Variants in RIMKLA observed in about 807,000 individuals in gnomAD.
RIMKLA encodes ribosomal modification protein rimK like family member A.
A neutral mutation model predicts 32.7 loss-of-function variants in RIMKLA; 14 were observed. The ratio of observed to expected loss-of-function variants is 0.43; its 90% CI spans 0.28 to 0.67. The LOEUF is 0.67. RIMKLA is among the 30% of genes least tolerant of loss of function. The probability of loss-of-function intolerance (pLI) is 0.18; values close to 1 mark genes in which losing one functional copy is unlikely to be tolerated. For synonymous variants in RIMKLA, 176 were observed against 204.1 expected, an observed-to-expected ratio of 0.86 and a Z score of 1.18; for missense variants, 410 against 519.0, an observed-to-expected ratio of 0.79 and a Z score of 2.04.
intron 4 of RIMKLA, among the ~76,000 whole-genome samples, chr1:42,411,213 G>A (rs1329163992): frequency 3.3e-5 from 5 of 151,790 alleles, no homozygotes; most frequent in African/African-American, 9.7e-5. Context: ...CATGCCTGTA[G>A]TCCCAGCTGA....
chr1:42,404,712 G>C, intron 3 of RIMKLA, 115 bp downstream of exon 3: 2 of 660,172 alleles, frequency 3.0e-6, no homozygotes, highest in African/African-American at 1.8e-5. Context: ...CCTTTGAGGA[G>C]CTTGCAGTGT....
At chr1:42,399,738 C>A in intron 2 of RIMKLA, 104 bp downstream of exon 2, 1 of 720,330 alleles carries the variant, frequency 1.4e-6, no homozygotes, top group Non-Finnish European at 2.3e-6. Flanking sequence ...TCTGTTGATT[C>A]AACATCTTGG....
Position 42,408,431 on chromosome 1 carries a change from G to A in RIMKLA, c.482-1553G>A, listed in dbSNP as rs80048784. ...GACTGGTGTATTTGTTTGTTTGTTT[G>A]TTTTTGAGATGACGTTTTGCTCTTG... is the stretch of plus-strand genomic sequence containing the variant. On this transcript the variant is annotated intron_variant, in intron 3 of 4. Transcript: ENST00000431473. 5.3e-5 allele frequency among the ~76,000 whole-genome samples: 8 copies of A among 152,260 alleles called. No individual in the cohort carries two copies. In the East Asian group the frequency reaches 1.5e-3, roughly 29 times the overall value.
rs762981899 is a variant in RIMKLA at position 42,421,670 on chromosome 1, C to T, written c.*6696C>T. On this transcript the variant is annotated 3_prime_UTR_variant, in exon 5 of 5. Coordinates refer to ENST00000431473, the MANE Select transcript of RIMKLA (RefSeq NM_173642.4). The surrounding 1 kb of genome is among the most constrained non-coding windows in gnomAD (Gnocchi z 4.6). ...TTTGCTTAGTCCCACCTTGAGGTCC[C>T]GAGTTCCAGTGGTGTGCCGAAGTGG... is the stretch of plus-strand genomic sequence containing the variant. 3 of 152,132 alleles carry T rather than the reference C, an allele frequency of 2.0e-5. No individual in the cohort carries two copies. The highest frequency in any genetic ancestry group is 6.6e-5 in the Admixed American group (1 of 15,266). The allele number at this position is 152,132 out of a possible 1,614,324, so 9.4% of individuals were successfully genotyped here. A position where few individuals can be genotyped will look rare whatever the true frequency, so the allele number is the denominator to read the frequency against.
intron 2 of RIMKLA, among the ~76,000 whole-genome samples, chr1:42,401,807 C>G (rs1196657412): frequency 6.6e-6 from 1 of 152,140 alleles, no homozygotes; most frequent in African/African-American, 2.4e-5. Flanking sequence ...AATAGGGACT[C>G]TTATTTGCTT....
chr1:42,395,207 T>C (rs1298760371), intron 1 of RIMKLA, among the ~76,000 whole-genome samples: 1 of 152,234 alleles, frequency 6.6e-6, no homozygotes, highest in Non-Finnish European at 1.5e-5. Flanking sequence ...AAGTAGATTA[T>C]TCTTTTTTAG....
chr1:42,386,679 C>CA (rs1642950631), intron 1 of RIMKLA, among the ~76,000 whole-genome samples: 3 of 148,504 alleles, frequency 2.0e-5, no homozygotes, highest in Non-Finnish European at 3.0e-5. Flanking sequence ...AGTTCAAGAT[C>CA]AGCCTGGCCA....
At chr1:42,396,236 CAAAAA>C (rs11363612) in intron 1 of RIMKLA, among the ~76,000 whole-genome samples, 59 of 60,902 alleles carry the variant, frequency 9.7e-4, no homozygotes, top group African/African-American at 4.1e-3. Context: ...AACTCCATCT[CAAAAA>C]AAAAAAAAAA....
Position 42,408,062 on chromosome 1 carries a change from G to GT in RIMKLA, c.482-1920dup, listed in dbSNP as rs1434095039. On this transcript the variant is annotated intron_variant, in intron 3 of 4. Transcript: ENST00000431473. ...GCATATACCTGAATCCCAGCCATCT[G>GT]TTGCCAGAAGCCAGATCTCCAGATC... Among the ~76,000 whole-genome samples the GT allele has an allele frequency of 2.0e-5, 3 of 152,278 alleles. No homozygotes were observed. In the East Asian group the frequency reaches 5.8e-4, roughly 29 times the overall value.
intron 4 of RIMKLA, chr1:42,412,716 A>G (rs772030364): frequency 4.8e-6 from 2 of 420,140 alleles, no homozygotes; most frequent in East Asian, 7.1e-5. Context: ...AGCATGGCCT[A>G]ATAAGAACCT....
At chr1:42,405,147 A>C (rs148998649) in intron 3 of RIMKLA, among the ~76,000 whole-genome samples, 1 of 152,278 alleles carries the variant, frequency 6.6e-6, no homozygotes, top group Non-Finnish European at 1.5e-5. Flanking sequence ...TCACTTGGTC[A>C]ACTTCTTCTG....
In RIMKLA at chr1:42,410,189, T is replaced by C; in HGVS notation, c.685+2T>C. The C allele has an allele frequency of 6.2e-7, 1 of 1,613,728 alleles. No individual in the cohort carries two copies. Among genetic ancestry groups the C allele is most frequent in the Non-Finnish European group, 8.5e-7 (1 of 1,179,670 alleles). On this transcript the variant is annotated splice_donor_variant, in intron 4 of 4. Transcript: ENST00000431473. LOFTEE classifies it high-confidence loss of function. ...GGATGCAGAGCAACTGCTCTCTCGG[T>C]AAGGTATAAAAGCACAGGGTTTTAT...
Position 42,393,661 on chromosome 1 carries a change from T to C in RIMKLA, c.164-5743T>C, listed in dbSNP as rs369350524. Reference sequence around the variant, plus strand: ...CTGTTTTACGAGAAAATGCTGTGGGTGGAGTAGGAAGAAATAAGGGGAAAG... The same window carrying C: ...CTGTTTTACGAGAAAATGCTGTGGGCGGAGTAGGAAGAAATAAGGGGAAAG... On this transcript the variant is annotated intron_variant, in intron 1 of 4. Coordinates refer to ENST00000431473, the MANE Select transcript of RIMKLA (RefSeq NM_173642.4). Among the ~76,000 whole-genome samples the C allele has an allele frequency of 3.9e-5, 6 of 152,148 alleles. No homozygotes were observed. In the East Asian group the frequency reaches 1.2e-3, roughly 29 times the overall value.
At chr1:42,388,027 GTAGTT>G (rs1642965184) in intron 1 of RIMKLA, among the ~76,000 whole-genome samples, 1 of 152,118 alleles carries the variant, frequency 6.6e-6, no homozygotes, top group African/African-American at 2.4e-5. Context: ...TGGAGGTAGA[GTAGTT>G]TAGGCAACAG....
chr1:42,407,186 G>A (rs1318866970), intron 3 of RIMKLA, among the ~76,000 whole-genome samples: 4 of 152,136 alleles, frequency 2.6e-5, no homozygotes, highest in South Asian at 2.1e-4. Context: ...GATTACAGGC[G>A]TGAGCCACTG....
At chr1:42,405,354 G>C (rs1643134551) in intron 3 of RIMKLA, among the ~76,000 whole-genome samples, 1 of 152,190 alleles carries the variant, frequency 6.6e-6, no homozygotes, top group Admixed American at 6.5e-5. Flanking sequence ...ACTGCGAGCT[G>C]CTCATTGGTG....
chr1:42,389,058 C>G (rs562313813), intron 1 of RIMKLA, among the ~76,000 whole-genome samples: 1 of 152,136 alleles, frequency 6.6e-6, no homozygotes, highest in Non-Finnish European at 1.5e-5. Context: ...GATTTGACTA[C>G]TGGATCAGAT....
rs547213322 is a variant in RIMKLA, at chr1:42,420,314, G to A, written c.*5340G>A. On this transcript the variant is annotated 3_prime_UTR_variant, in exon 5 of 5. Transcript: ENST00000431473. The stretch of plus-strand genomic sequence containing the variant: ...CATTTCCACATAGCAAAATTCAAGC[G>A]AGTGAGTGTGTGTGCCTGCGTGTGT... 6.6e-6 allele frequency: 1 copy of A among 152,322 alleles called. No individual in the cohort carries two copies. Among genetic ancestry groups the A allele is most frequent in the East Asian group, 1.9e-4 (1 of 5,186 alleles). The allele number at this position is 152,322 out of a possible 1,614,324, so 9.4% of individuals were successfully genotyped here. A position where few individuals can be genotyped will look rare whatever the true frequency, so the allele number is the denominator to read the frequency against.
intron 1 of RIMKLA, among the ~76,000 whole-genome samples, chr1:42,387,171 G>T (rs1369390029): frequency 6.6e-6 from 1 of 151,776 alleles, no homozygotes; most frequent in Non-Finnish European, 1.5e-5. Context: ...AACCTGGGAG[G>T]CGGAGGTTGC....
Sources: gnomAD v4.1 joint callset for allele counts (sites outside exome capture counted in the v4.1 genomes callset) on GRCh38, gnomAD v4.1.1 for gene constraint, Gnocchi (gnomAD v3.1) non-coding constraint, MANE v1.5 for transcripts, NCBI Gene and HGNC (gene_info 2026-07-23, HGNC 2026-07-21) for gene names.